The following ZNF782 variants were observed in gnomAD, a reference collection of about 807,000 sequenced individuals.
ZNF782 encodes the protein zinc finger protein 782.
A neutral mutation model predicts 13.0 loss-of-function variants in ZNF782; 12 were observed. That is an observed-to-expected ratio of 0.92 (90% CI 0.59 to 1.50). The LOEUF is 1.50. ZNF782 is among the 40% of genes most tolerant of loss of function. ZNF782 has a pLI of 0.00. For missense variants in ZNF782, 770 were observed against 822.9 expected (o/e 0.94, Z 0.79); for synonymous variants, 284 against 283.0 (o/e 1.00, Z -0.04).
chr9:96,909,704 C>T, the ZNF782 span, among the ~76,000 whole-genome samples: 2 of 151,912 alleles, frequency 1.3e-5, no homozygotes, highest in African/African-American at 2.4e-5. Context: ...CAAATCTGGT[C>T]ACCTTTCTAT....
At chr9:96,884,855 G>A in the ZNF782 span, among the ~76,000 whole-genome samples, 1 of 151,952 alleles carries the variant, frequency 6.6e-6, no homozygotes, top group Non-Finnish European at 1.5e-5. Flanking sequence ...TCATAATATA[G>A]AAAATATCTG....
At chr9:96,925,073 G>A in the ZNF782 span, among the ~76,000 whole-genome samples, 3 of 152,150 alleles carry the variant, frequency 2.0e-5, no homozygotes, top group African/African-American at 4.8e-5. Flanking sequence ...GAGAGCTAAG[G>A]CCGTTGGGTA....
At chr9:96,892,937 T>C in the ZNF782 span, 2 of 152,130 alleles carry the variant, frequency 1.3e-5, no homozygotes, top group Admixed American at 6.6e-5. Flanking sequence ...CAGGACTCTA[T>C]TTCTTCTGCC....
chr9:96,861,149 C>T (rs1206142707), intron 2 of ZNF782, among the ~76,000 whole-genome samples: 1 of 151,926 alleles, frequency 6.6e-6, no homozygotes, highest in Non-Finnish European at 1.5e-5. Flanking sequence ...TAAAATAAAA[C>T]ATTGGGAAAA....
intron 4 of ZNF782, among the ~76,000 whole-genome samples, chr9:96,836,177 T>G (rs923269894): frequency 6.6e-6 from 1 of 152,094 alleles, no homozygotes; most frequent in Non-Finnish European, 1.5e-5. Context: ...TCAGACCTTA[T>G]GCCTATTCCA....
chr9:96,852,275 C>T (rs1851516262), intron 2 of ZNF782, among the ~76,000 whole-genome samples: 1 of 152,202 alleles, frequency 6.6e-6, no homozygotes, highest in Admixed American at 6.5e-5. Flanking sequence ...TTCTAACACA[C>T]ACACAAAAAT....
At chr9:96,888,317 G>C in the ZNF782 span, 1 of 152,096 alleles carries the variant, frequency 6.6e-6, no homozygotes, top group South Asian at 2.1e-4. Flanking sequence ...ATTACATAAT[G>C]ATTTTTAAAA....
chr9:96,915,169 C>T, the ZNF782 span, among the ~76,000 whole-genome samples: 7 of 152,028 alleles, frequency 4.6e-5, no homozygotes, highest in East Asian at 1.3e-3. Context: ...TAAATTACAA[C>T]TCCATAGTAT....
chr9:96,898,032 C>T, the ZNF782 span: 10 of 150,366 alleles, frequency 6.7e-5, no homozygotes, highest in Admixed American at 3.9e-4. Context: ...CCTCAGGTCC[C>T]AGCCAGCTGA....
At chr9:96,882,126 A>T in the ZNF782 span, among the ~76,000 whole-genome samples, 21 of 152,108 alleles carry the variant, frequency 1.4e-4, no homozygotes, top group Non-Finnish European at 2.8e-4. Flanking sequence ...TAATATTTAT[A>T]TAGATTGAGG....
chr9:96,875,967 A>C (rs916815223), upstream of ZNF782, among the ~76,000 whole-genome samples: 1 of 152,232 alleles, frequency 6.6e-6, no homozygotes, highest in South Asian at 2.1e-4. Context: ...TACGTTTCCC[A>C]GAAACCTCCA....
the ZNF782 span, among the ~76,000 whole-genome samples, chr9:96,882,750 T>C: frequency 2.2e-4 from 34 of 152,172 alleles, no homozygotes; most frequent in Non-Finnish European, 4.9e-4. Context: ...TTACGTCTTA[T>C]TGTAAAATGT....
At chr9:96,854,864 AC>A (rs1197675943), upstream of ZNF782, among the ~76,000 whole-genome samples, 3 of 152,130 alleles carry the variant, frequency 2.0e-5, no homozygotes, top group African/African-American at 7.2e-5. Context: ...GAAAAAAAGT[AC>A]CATTACTTTT....
chr9:96,818,193 T>C lies in ZNF782; in HGVS notation c.1830A>G (p.Arg610=). Residue 610 remains arginine, a synonymous_variant, in exon 6 of 6, where the codon AGA becomes AGG. Transcript: ENST00000481138. ...CATAGGGCTTCTCCCCAGTGTGAGT[T>C]CTCTGATGCCCTCTGAGATTTGATT... ...RQKSNLRGHQ[R]THTGEKPYEC... 6.2e-7 allele frequency: 1 copy of C among 1,614,174 alleles called. No homozygotes were observed. Among genetic ancestry groups the C allele is most frequent in the South Asian group, 1.1e-5 (1 of 91,084 alleles).
Position 96,866,724 on chromosome 9 carries a change from G to T in ZNF782, c.-456-5121C>A, listed in dbSNP as rs549422812. Among the ~76,000 whole-genome samples the T allele has an allele frequency of 4.6e-5, 7 of 152,344 alleles. No homozygotes were observed. The East Asian group carries it at 5.8e-4, about 13-fold the overall frequency. On this transcript the variant is annotated intron_variant, in intron 1 of 5. Transcript: ENST00000498811. Reference sequence around the variant, plus strand: ...GCCAGCCCATGAAGGCAGCTAGGAGGGGGGGTTATACCCTGCAAAGCCACA... The same window carrying T: ...GCCAGCCCATGAAGGCAGCTAGGAGTGGGGGTTATACCCTGCAAAGCCACA...
intron 4 of ZNF782, among the ~76,000 whole-genome samples, chr9:96,827,779 A>G (rs1231566388): frequency 6.6e-6 from 1 of 152,204 alleles, no homozygotes; most frequent in African/African-American, 2.4e-5. Context: ...ACAGACAACT[A>G]AAAAACCAAA....
chr9:96,841,127 T>G (rs1316210904), intron 4 of ZNF782, among the ~76,000 whole-genome samples: 1 of 151,988 alleles, frequency 6.6e-6, no homozygotes, highest in Non-Finnish European at 1.5e-5. Context: ...TCTGAACATC[T>G]TTACACATAT....
the ZNF782 span, among the ~76,000 whole-genome samples, chr9:96,927,559 T>G: frequency 5.3e-5 from 8 of 152,156 alleles, no homozygotes; most frequent in African/African-American, 1.9e-4. Flanking sequence ...TACTGCAAGT[T>G]TGCACTCTCA....
chr9:96,918,398 G>A, the ZNF782 span, among the ~76,000 whole-genome samples: 1 of 149,240 alleles, frequency 6.7e-6, no homozygotes, highest in Non-Finnish European at 1.5e-5. Context: ...AACAGAGGGA[G>A]GCTCCATCTC....
Sources: gnomAD v4.1 joint callset for allele counts (sites outside exome capture counted in the v4.1 genomes callset) on GRCh38, gnomAD v4.1.1 for gene constraint, MANE v1.5 for transcripts, NCBI Gene and HGNC (gene_info 2026-07-23, HGNC 2026-07-21) for gene names.